PHACTR3: variants seen among roughly 807,000 people sequenced by gnomAD.
The protein encoded by PHACTR3 is protein phosphatase 1, regulatory subunit 123.
In PHACTR3, 16 loss-of-function variants were observed where a neutral mutation model predicts 66.8. The observed-to-expected ratio is 0.24, with a 90% CI of 0.16 to 0.36. The LOEUF is 0.36. Among genes scored for constraint, PHACTR3 ranks in the 10% least tolerant of loss-of-function variants. PHACTR3 has a pLI of 1.00. For synonymous variants in PHACTR3, 323 were observed against 292.1 expected, an observed-to-expected ratio of 1.11 and a Z score of -1.08; for missense variants, 647 against 719.9, an observed-to-expected ratio of 0.90 and a Z score of 1.16.
intron 3 of PHACTR3, among the ~76,000 whole-genome samples, chr20:59,748,384 G>A (rs1471528758): frequency 6.6e-6 from 1 of 152,066 alleles, no homozygotes; most frequent in Non-Finnish European, 1.5e-5. Context: ...GAGGGTCTGG[G>A]TGGTGACTGC....
At chr20:59,638,052 C>A (rs1568950942) in intron 1 of PHACTR3, among the ~76,000 whole-genome samples, 1 of 152,106 alleles carries the variant, frequency 6.6e-6, no homozygotes, top group African/African-American at 2.4e-5. Flanking sequence ...TGCTGCTGGC[C>A]CCAAGGTCTT....
intron 7 of PHACTR3, among the ~76,000 whole-genome samples, chr20:59,795,263 G>C (rs749955824): frequency 5.3e-5 from 8 of 152,080 alleles, no homozygotes; most frequent in Non-Finnish European, 1.2e-4. Flanking sequence ...TCAGGAGCAT[G>C]ATGTTTTATT....
At chr20:59,682,233 G>T (rs566066761) in intron 1 of PHACTR3, among the ~76,000 whole-genome samples, 1 of 151,580 alleles carries the variant, frequency 6.6e-6, no homozygotes, top group East Asian at 1.9e-4. Flanking sequence ...CCAGCTACTC[G>T]GCAGGCTGAG....
At chr20:59,597,869 C>T (rs1476330005) in intron 1 of PHACTR3, among the ~76,000 whole-genome samples, 1 of 152,244 alleles carries the variant, frequency 6.6e-6, no homozygotes, top group Non-Finnish European at 1.5e-5. Flanking sequence ...GTCAGGACTG[C>T]AAACTGCACC....
intron 1 of PHACTR3, among the ~76,000 whole-genome samples, chr20:59,727,928 G>A (rs765156536): frequency 6.6e-6 from 1 of 152,160 alleles, no homozygotes; most frequent in Non-Finnish European, 1.5e-5. Flanking sequence ...TGATGATTGC[G>A]TGGAATGAGA....
chr20:59,608,946 C>G (rs2033762070), intron 1 of PHACTR3, among the ~76,000 whole-genome samples: 2 of 152,190 alleles, frequency 1.3e-5, no homozygotes, highest in African/African-American at 4.8e-5. Flanking sequence ...AAGTGCTGCA[C>G]CCCTGAGCTC....
chr20:59,821,368 G>A (rs1026501482), intron 8 of PHACTR3, among the ~76,000 whole-genome samples: 5 of 152,152 alleles, frequency 3.3e-5, no homozygotes, highest in Non-Finnish European at 5.9e-5. Flanking sequence ...CCTTATGCCG[G>A]TGTTGATCCT....
At chr20:59,827,233 G>A (rs562258776) in intron 8 of PHACTR3, among the ~76,000 whole-genome samples, 234 of 152,220 alleles carry the variant, frequency 1.5e-3, no homozygotes, top group Admixed American at 4.2e-3. Flanking sequence ...CTTCATGGGC[G>A]GGGGTGCACG....
Position 59,820,371 on chromosome 20 carries a change from G to A in PHACTR3, c.1328+14177G>A, listed in dbSNP as rs1444509672. On this transcript the variant is annotated intron_variant, in intron 8 of 12. Transcript: ENST00000371015. The surrounding 1 kb of genome is among the most constrained non-coding windows in gnomAD (Gnocchi z 4.6). ...GCAAAGGCCGGGGCAGGCAAGGCCA[G>A]CACGGATCAGGCAAAATGGTGGCTA... 6.6e-6 allele frequency among the ~76,000 whole-genome samples: 1 copy of A among 152,264 alleles called. No individual in the cohort carries two copies. Among genetic ancestry groups the A allele is most frequent in the African/African-American group, 2.4e-5 (1 of 41,464 alleles).
At chr20:59,640,107 G>T (rs2035050804) in intron 1 of PHACTR3, among the ~76,000 whole-genome samples, 1 of 152,234 alleles carries the variant, frequency 6.6e-6, no homozygotes, top group Non-Finnish European at 1.5e-5. Flanking sequence ...CTGTGATCTG[G>T]ATTCAGACCT....
intron 8 of PHACTR3, among the ~76,000 whole-genome samples, chr20:59,808,088 G>A (rs2041623325): frequency 6.6e-6 from 1 of 152,338 alleles, no homozygotes. Context: ...ATGCCCCTGA[G>A]ACAGAATGGG....
At chr20:59,577,727 G>A (rs1035013824) in intron 1 of PHACTR3, 2 of 788,972 alleles carry the variant, frequency 2.5e-6, no homozygotes, top group Non-Finnish European at 3.2e-6. Context: ...TGGCCGTTGC[G>A]GGTGGCCGGG....
chr20:59,834,749 A>ACC, intron 8 of PHACTR3, among the ~76,000 whole-genome samples: 1 of 151,686 alleles, frequency 6.6e-6, no homozygotes, highest in Non-Finnish European at 1.5e-5. Context: ...CCAACCACTC[A>ACC]CCCACCATAT....
chr20:59,708,731 A>G (rs1202325541), intron 1 of PHACTR3, among the ~76,000 whole-genome samples: 1 of 152,222 alleles, frequency 6.6e-6, no homozygotes. Context: ...GTGTTTGGAC[A>G]TGGCTCTTCT....
At chr20:59,751,789 G>A (rs2039595047) in intron 3 of PHACTR3, among the ~76,000 whole-genome samples, 1 of 152,016 alleles carries the variant, frequency 6.6e-6, no homozygotes, top group Non-Finnish European at 1.5e-5. Context: ...TTGTGCCCTG[G>A]GGAGGGCAGA....
chr20:59,774,176 A>G (rs1386747260), intron 6 of PHACTR3, 67 bp from the exon 7 acceptor site: 16 of 1,516,366 alleles, frequency 1.1e-5, no homozygotes, highest in South Asian at 2.7e-5. Flanking sequence ...ATAAGCTCCA[A>G]AGTCAATCGT....
intron 1 of PHACTR3, among the ~76,000 whole-genome samples, chr20:59,694,281 G>A (rs1009630756): frequency 2.0e-5 from 3 of 152,044 alleles, no homozygotes; most frequent in African/African-American, 7.2e-5. Flanking sequence ...CATTGTTTTG[G>A]CTTCTGTCTC....
chr20:59,834,029 C>T (rs139818966), intron 8 of PHACTR3, among the ~76,000 whole-genome samples: 1 of 152,264 alleles, frequency 6.6e-6, no homozygotes, highest in East Asian at 1.9e-4. Context: ...TCTTCTCCCC[C>T]ACCTAGGACC....
At chr20:59,627,264 C>T (rs1418396269) in intron 1 of PHACTR3, among the ~76,000 whole-genome samples, 2 of 152,212 alleles carry the variant, frequency 1.3e-5, no homozygotes, top group Non-Finnish European at 2.9e-5. Flanking sequence ...TCCTCCCTCC[C>T]TCACTCTCAT....
Sources: gnomAD v4.1 joint callset for allele counts (sites outside exome capture counted in the v4.1 genomes callset) on GRCh38, gnomAD v4.1.1 for gene constraint, Gnocchi (gnomAD v3.1) non-coding constraint, MANE v1.5 for transcripts, NCBI Gene and HGNC (gene_info 2026-07-23, HGNC 2026-07-21) for gene names.